RNASET2: variants seen among roughly 807,000 people sequenced by gnomAD.
RNASET2 encodes ribonuclease T2, also known as ribonuclease 6.
In RNASET2, 28 loss-of-function variants were observed where a neutral mutation model predicts 33.9. The observed-to-expected ratio is 0.83, with a 90% CI of 0.61 to 1.13. The LOEUF (loss-of-function observed/expected upper bound fraction) is 1.13. RNASET2 is among the 50% of genes most tolerant of loss of function. The pLI, the probability that RNASET2 is intolerant of heterozygous loss-of-function variation, is 0.00. For missense variants in RNASET2, 330 were observed against 319.9 expected (o/e 1.03, Z -0.24); for synonymous variants, 123 against 121.0 (o/e 1.02, Z -0.11).
intron 6 of RNASET2, among the ~76,000 whole-genome samples, chr6:166,938,367 A>C (rs1282151275): frequency 6.6e-6 from 1 of 152,178 alleles, no homozygotes; most frequent in African/African-American, 2.4e-5. Flanking sequence ...AACTGGCTCA[A>C]GTGGGACAAC....
intron 5 of RNASET2, among the ~76,000 whole-genome samples, chr6:166,941,200 C>T (rs1375638638): frequency 2.0e-5 from 3 of 152,176 alleles, no homozygotes; most frequent in African/African-American, 7.2e-5. Flanking sequence ...CAACTATCAA[C>T]CTGAAAATTT....
Position 166,927,654 on chromosome 6 carries a change from T to G in RNASET2, c.*1934A>C, listed in dbSNP as rs561019995. 2.2e-5 allele frequency among the ~76,000 whole-genome samples: 3 copies of G among 133,538 alleles called. No individual in the cohort carries two copies. Among genetic ancestry groups the G allele is most frequent in the Non-Finnish European group, 3.1e-5 (2 of 65,414 alleles). The allele number at this position is 133,538 out of a possible 152,430, so 87.6% of individuals were successfully genotyped here. A position where few individuals can be genotyped will look rare whatever the true frequency, so the allele number is the denominator to read the frequency against. On this transcript the variant is annotated 3_prime_UTR_variant, in exon 9 of 9. Transcript: ENST00000508775. ...AGGAAGTCTGTTCAAATTCACCAGC[T>G]CCTCTGGGAATAATGAAGATAAAAC...
chr6:166,928,597 CAG>C lies in RNASET2; in HGVS notation c.*989_*990del, dbSNP rs1449421603. The stretch of plus-strand genomic sequence containing the variant: ...AGGACGTTAATGTGATTAAGACAAA[CAG>C]AGAAAAGGATTTAAAGAGAGAAGAG... On this transcript the variant is annotated 3_prime_UTR_variant, in exon 9 of 9. Transcript: ENST00000508775. Among the ~76,000 whole-genome samples, 1 of 152,050 alleles carries C rather than the reference CAG, an allele frequency of 6.6e-6. No individual in the cohort carries two copies. The highest frequency in any genetic ancestry group is 6.5e-5 in the Admixed American group (1 of 15,268).
chr6:166,951,676 GATT>G (rs1778988523), intron 2 of RNASET2, among the ~76,000 whole-genome samples: 1 of 152,224 alleles, frequency 6.6e-6, no homozygotes, highest in African/African-American at 2.4e-5. Context: ...GTAGAGCAAG[GATT>G]ATTATAATAT....
At chr6:166,931,023 G>C in intron 8 of RNASET2, 21 bp downstream of exon 8, 3 of 1,576,878 alleles carry the variant, frequency 1.9e-6, no homozygotes, top group Non-Finnish European at 2.6e-6. Context: ...AAAAAAGGAA[G>C]ACAAAACATA....
In RNASET2 at chr6:166,927,829, C is replaced by T. The variant is rs567656075; in HGVS notation, c.*1759G>A. The stretch of plus-strand genomic sequence containing the variant: ...GACGCAGAGCAAATGCAGGAAATCA[C>T]GCCCTTCCAGGTGCAAAACAAATCA... On this transcript the variant is annotated 3_prime_UTR_variant, in exon 9 of 9. Coordinates refer to ENST00000508775, the MANE Select transcript of RNASET2 (RefSeq NM_003730.6). Among the ~76,000 whole-genome samples the T allele has an allele frequency of 7.9e-5, 12 of 151,714 alleles. No individual in the cohort carries two copies. Among genetic ancestry groups the T allele is most frequent in the Non-Finnish European group, 1.6e-4 (11 of 67,986 alleles).
At chr6:166,938,598 C>T in intron 6 of RNASET2, 1 of 659,660 alleles carries the variant, frequency 1.5e-6, no homozygotes, top group Non-Finnish European at 2.9e-6. Context: ...CTGAGAACGG[C>T]ACATGCTGGT....
chr6:166,951,454 G>C (rs758336385), intron 2 of RNASET2, among the ~76,000 whole-genome samples: 1 of 152,206 alleles, frequency 6.6e-6, no homozygotes, highest in Admixed American at 6.5e-5. Flanking sequence ...GCTGAGTAAC[G>C]GGTGCCTTCC....
rs1239628395 is a variant in RNASET2 at position 166,946,696 on chromosome 6, A to T, written c.247T>A (p.Leu83Ile). 5 of 1,555,742 alleles carry T rather than the reference A, an allele frequency of 3.2e-6. No individual in the cohort carries two copies. Among genetic ancestry groups the T allele is most frequent in the Non-Finnish European group, 4.4e-6 (5 of 1,137,508 alleles). Reference protein sequence around the residue: ...EGCNRSWPFNLEEIKDLLPEM... With the variant: ...EGCNRSWPFNIEEIKDLLPEM... The stretch of plus-strand genomic sequence containing the variant: ...AAAGTCAATACCTTAATCTCTTCTA[A>T]ATTGAAGGGCCACGATCTATTACAT... Residue 83 changes from leucine (L) to isoleucine (I), a missense_variant, in exon 4 of 9, where the codon TTA becomes ATA. Physicochemically the swap from Leu to Ile is conservative, Grantham distance 5. Coordinates refer to ENST00000508775, the MANE Select transcript of RNASET2 (RefSeq NM_003730.6).
intron 1 of RNASET2, among the ~76,000 whole-genome samples, chr6:166,955,209 GCACGCACACA>G (rs1266658963): frequency 1.3e-5 from 1 of 77,872 alleles, no homozygotes; most frequent in Non-Finnish European, 2.4e-5. Context: ...ACGCACACAC[GCACGCACACA>G]CGCGCACACA....
In RNASET2 at chr6:166,948,562, A is replaced by T. The variant is rs770108298; in HGVS notation, c.203+8T>A. The T allele has an allele frequency of 5.1e-6, 8 of 1,578,034 alleles. No individual in the cohort carries two copies. The South Asian group carries it at 8.8e-5, about 17-fold the overall frequency. On this transcript the variant is annotated splice_region_variant and intron_variant, in intron 3 of 8. Coordinates refer to ENST00000508775, the MANE Select transcript of RNASET2 (RefSeq NM_003730.6). ...TCTGCCTAAGATTTAATTGTGTGAG[A>T]CACTTGCCATAGTCCATGTATTGTC...
intron 1 of RNASET2, 36 bp downstream of exon 1, chr6:166,956,061 C>T (rs1470597119): frequency 1.3e-6 from 2 of 1,542,452 alleles, no homozygotes; most frequent in Middle Eastern, 1.7e-4. Context: ...GGGCCCGGCT[C>T]CCACGCTCCC....
In RNASET2 at chr6:166,923,228, C is replaced by CTTTTTTT. The variant is rs576639665; in HGVS notation, c.*6353_*6359dup. 3.9e-5 allele frequency among the ~76,000 whole-genome samples: 4 copies of CTTTTTTT among 102,672 alleles called. 1 individual carries two copies. Among genetic ancestry groups the CTTTTTTT allele is most frequent in the African/African-American group, 1.0e-4 (2 of 19,108 alleles). The allele number at this position is 102,672 out of a possible 152,430, so 67.4% of individuals were successfully genotyped here. A position where few individuals can be genotyped will look rare whatever the true frequency, so the allele number is the denominator to read the frequency against. ...ACAGGCGTGAGCCACCAGGCCCGGC[C>CTTTTTTT]TTTTTTTTTTTTTTTTTTTTTGAGA... On this transcript the variant is annotated 3_prime_UTR_variant, in exon 9 of 9. Coordinates refer to ENST00000508775, the MANE Select transcript of RNASET2 (RefSeq NM_003730.6).
Position 166,924,519 on chromosome 6 carries a change from CT to C in RNASET2, c.*5068del, listed in dbSNP as rs944647634. On this transcript the variant is annotated 3_prime_UTR_variant, in exon 9 of 9. Transcript: ENST00000508775. Reference sequence around the variant, plus strand: ...GAAGCGAGTTGGACAAAGTCCGGGCCTTTGTAGTGTGACGTGGCCATTAGGG... The same window carrying C: ...GAAGCGAGTTGGACAAAGTCCGGGCCTTGTAGTGTGACGTGGCCATTAGGG... Among the ~76,000 whole-genome samples, 1 of 152,200 alleles carries C rather than the reference CT, an allele frequency of 6.6e-6. No homozygotes were observed.
rs1338684904 is a variant in RNASET2 at position 166,924,929 on chromosome 6, G to C, written c.*4659C>G. 6.6e-6 allele frequency among the ~76,000 whole-genome samples: 1 copy of C among 152,156 alleles called. No homozygotes were observed. Among genetic ancestry groups the C allele is most frequent in the Non-Finnish European group, 1.5e-5 (1 of 68,024 alleles). ...CATAGGAAGGGTTGAAAAAAGTGTG[G>C]AATGAATCAATAAACAGCTCTTGAT... On this transcript the variant is annotated 3_prime_UTR_variant, in exon 9 of 9. Coordinates refer to ENST00000508775, the MANE Select transcript of RNASET2 (RefSeq NM_003730.6).
At chr6:166,947,482 C>T (rs903420674) in intron 3 of RNASET2, among the ~76,000 whole-genome samples, 7 of 152,148 alleles carry the variant, frequency 4.6e-5, no homozygotes, top group Non-Finnish European at 1.0e-4. Flanking sequence ...TGATTCTATC[C>T]GCTGGACTGG....
Position 166,956,387 on chromosome 6 carries a change from G to T in RNASET2, c.-205C>A. 1.7e-6 allele frequency: 1 copy of T among 596,424 alleles called. No homozygotes were observed. The highest frequency in any genetic ancestry group is 3.0e-6 in the Non-Finnish European group (1 of 334,890). The allele number at this position is 596,424 out of a possible 1,614,324, so 36.9% of individuals were successfully genotyped here. On this transcript the variant is annotated 5_prime_UTR_variant, in exon 1 of 9. Transcript: ENST00000508775. ...CTCGCGGGCCCCGCGCCGGGCTCCG[G>T]GAATGGCCGCAGCAGCCCTGGCGAC...
chr6:166,938,880 G>T lies in RNASET2; in HGVS notation c.446+15C>A, dbSNP rs761333591. 1 of 1,568,912 alleles carries T rather than the reference G, an allele frequency of 6.4e-7. No individual in the cohort carries two copies. The highest frequency in any genetic ancestry group is 1.7e-5 in the Admixed American group (1 of 59,976). ...TCCCCACTGGGAAGTGCAGCCGGGG[G>T]AAGGGCGCACCCACCTGTTGAGGTC... On this transcript the variant is annotated intron_variant, in intron 6 of 8. Transcript: ENST00000508775.
At chr6:166,952,724 T>C (rs1350959873) in intron 1 of RNASET2, 176 bp from the exon 2 acceptor site, 1 of 625,418 alleles carries the variant, frequency 1.6e-6, no homozygotes, top group Non-Finnish European at 3.0e-6. Context: ...ACCCCTACAC[T>C]AAGAAGGCAC....
Sources: allele counts gnomAD v4.1 joint callset (sites outside exome capture counted in the v4.1 genomes callset), GRCh38; gene constraint gnomAD v4.1.1; transcripts MANE v1.5; gene names NCBI Gene and HGNC (gene_info 2026-07-23, HGNC 2026-07-21).